The following EXOC4 variants were observed in gnomAD, a reference collection of about 807,000 sequenced individuals.
EXOC4 encodes the protein exocyst complex component 4.
In EXOC4, 71 loss-of-function variants were observed where a neutral mutation model predicts 107.2. That is an observed-to-expected ratio of 0.66 (90% confidence interval 0.55 to 0.81). The LOEUF is 0.81. Among genes scored for constraint, EXOC4 ranks in the 30% least tolerant of loss-of-function variants. The pLI is 0.00. For missense variants in EXOC4, 1,108 were observed against 1,189.6 expected, an observed-to-expected ratio of 0.93 and a Z score of 1.01; for synonymous variants, 456 against 441.2, an observed-to-expected ratio of 1.03 and a Z score of -0.42.
At chr7:133,683,608 C>T (rs1794233460) in intron 10 of EXOC4, among the ~76,000 whole-genome samples, 1 of 151,996 alleles carries the variant, frequency 6.6e-6, no homozygotes. Flanking sequence ...AAAATAATTT[C>T]TAGTAAAGCC....
intron 9 of EXOC4, among the ~76,000 whole-genome samples, chr7:133,572,073 T>A (rs1801035646): frequency 6.6e-6 from 1 of 152,172 alleles, no homozygotes; most frequent in South Asian, 2.1e-4. Flanking sequence ...AGTTACTGGG[T>A]GAAAATATAC....
At chr7:134,020,641 A>G (rs771690958) in intron 17 of EXOC4, among the ~76,000 whole-genome samples, 1 of 152,204 alleles carries the variant, frequency 6.6e-6, no homozygotes, top group Non-Finnish European at 1.5e-5. Context: ...TAATAAATCA[A>G]CCTTTAATTG....
chr7:133,952,446 A>G (rs755139621), intron 14 of EXOC4, among the ~76,000 whole-genome samples: 1 of 152,172 alleles, frequency 6.6e-6, no homozygotes, highest in African/African-American at 2.4e-5. Flanking sequence ...TGGGAGTCTC[A>G]GTTCTGCTAG....
At chr7:133,496,131 A>G (rs1436843779) in intron 9 of EXOC4, among the ~76,000 whole-genome samples, 1 of 152,062 alleles carries the variant, frequency 6.6e-6, no homozygotes, top group Non-Finnish European at 1.5e-5. Context: ...ACTGATTTAC[A>G]GTACAGCATT....
Position 133,475,416 on chromosome 7 carries a change from A to C in EXOC4, c.1271A>C (p.Glu424Ala), listed in dbSNP as rs1798988186. ...AQLSYASTGREFAAFFAKKKP... is the reference protein window; with the variant it reads ...AQLSYASTGRAFAAFFAKKKP... Reference sequence around the variant, plus strand: ...CTAAGCTATGCCAGCACTGGACGAGAGTTTGCAGCCTTTTTTGCCAAGAAG... The same window carrying C: ...CTAAGCTATGCCAGCACTGGACGAGCGTTTGCAGCCTTTTTTGCCAAGAAG... Residue 424 changes from glutamate to alanine, a missense_variant, in exon 8 of 18, where the codon GAG becomes GCG. Coordinates refer to ENST00000253861, the MANE Select transcript of EXOC4 (RefSeq NM_021807.4). 1.2e-6 allele frequency: 2 copies of C among 1,614,072 alleles called. No individual in the cohort carries two copies. The highest frequency in any genetic ancestry group is 4.5e-5 in the East Asian group (2 of 44,870).
At chr7:133,983,129 G>T (rs888708465) in intron 14 of EXOC4, among the ~76,000 whole-genome samples, 2 of 151,786 alleles carry the variant, frequency 1.3e-5, no homozygotes, top group Non-Finnish European at 3.0e-5. Context: ...CACATGGCAG[G>T]AGCAAGAGGC....
At chr7:133,776,079 C>T (rs890085817) in intron 10 of EXOC4, among the ~76,000 whole-genome samples, 1 of 152,116 alleles carries the variant, frequency 6.6e-6, no homozygotes, top group Non-Finnish European at 1.5e-5. Flanking sequence ...ATATCTATTT[C>T]TAGCTGGGCT....
At chr7:133,687,602 A>T (rs73150882) in intron 10 of EXOC4, among the ~76,000 whole-genome samples, 12,437 of 151,722 alleles carry the variant, frequency 0.082, 564 homozygotes, top group Middle Eastern at 0.13. Flanking sequence ...AGTCAGGGAG[A>T]TTGATTTGAG....
chr7:133,423,313 A>G (rs1344746418), intron 7 of EXOC4, among the ~76,000 whole-genome samples: 1 of 152,206 alleles, frequency 6.6e-6, no homozygotes, highest in Non-Finnish European at 1.5e-5. Context: ...ATTCTTCTAG[A>G]GATTAATTCT....
chr7:133,456,863 AG>A (rs1251166653), intron 7 of EXOC4, among the ~76,000 whole-genome samples: 3 of 152,244 alleles, frequency 2.0e-5, no homozygotes, highest in Non-Finnish European at 4.4e-5. Context: ...AATAGGCCAT[AG>A]AATTTGAAGA....
At chr7:133,951,843 T>A (rs573002691) in intron 14 of EXOC4, among the ~76,000 whole-genome samples, 1 of 152,314 alleles carries the variant, frequency 6.6e-6, no homozygotes, top group East Asian at 1.9e-4. Flanking sequence ...TATGTCAGCA[T>A]ATCGAGAAAT....
At chr7:133,988,088 G>C (rs1223468711) in intron 14 of EXOC4, among the ~76,000 whole-genome samples, 1 of 152,138 alleles carries the variant, frequency 6.6e-6, no homozygotes, top group Non-Finnish European at 1.5e-5. Flanking sequence ...TTAATGCCAG[G>C]CATTTTTATG....
intron 10 of EXOC4, among the ~76,000 whole-genome samples, chr7:133,650,858 T>C (rs571715746): frequency 6.6e-6 from 1 of 151,286 alleles, no homozygotes; most frequent in Non-Finnish European, 1.5e-5. Flanking sequence ...ATTTTCTAGG[T>C]TATTTATCCC....
chr7:133,482,812 A>T (rs1381393723), intron 9 of EXOC4, among the ~76,000 whole-genome samples: 1 of 152,140 alleles, frequency 6.6e-6, no homozygotes, highest in Non-Finnish European at 1.5e-5. Context: ...TATTTCTAGT[A>T]CTGTGGTGTG....
chr7:133,895,857 G>T, intron 12 of EXOC4, 122 bp downstream of exon 12: 1 of 1,043,460 alleles, frequency 9.6e-7, no homozygotes, highest in Non-Finnish European at 1.4e-6. Flanking sequence ...CAAGAGATGA[G>T]AACATGCATC....
At chr7:133,811,403 T>G (rs1471279257) in intron 10 of EXOC4, among the ~76,000 whole-genome samples, 2 of 152,200 alleles carry the variant, frequency 1.3e-5, no homozygotes, top group African/African-American at 4.8e-5. Flanking sequence ...CCCTTGACTC[T>G]CACTCCTGTC....
intron 10 of EXOC4, among the ~76,000 whole-genome samples, chr7:133,774,342 GT>G (rs765043292): frequency 2.5e-4 from 38 of 152,148 alleles, no homozygotes; most frequent in Admixed American, 1.2e-3. Flanking sequence ...GTTTGTAAAG[GT>G]TTAAAGATGC....
chr7:133,614,772 A>C (rs1177446890), intron 9 of EXOC4, among the ~76,000 whole-genome samples: 1 of 143,122 alleles, frequency 7.0e-6, no homozygotes, highest in Admixed American at 7.1e-5. Context: ...CGAGTCATGA[A>C]AGAATTGTAC....
At chr7:133,581,975 G>C (rs1199788266) in intron 9 of EXOC4, among the ~76,000 whole-genome samples, 3 of 152,058 alleles carry the variant, frequency 2.0e-5, no homozygotes, top group African/African-American at 7.2e-5. Flanking sequence ...CAGGTCTCGT[G>C]AGAACTCCGT....
Sources: allele counts gnomAD v4.1 joint callset (sites outside exome capture counted in the v4.1 genomes callset), GRCh38; gene constraint gnomAD v4.1.1; transcripts MANE v1.5; gene names NCBI Gene and HGNC (gene_info 2026-07-23, HGNC 2026-07-21).